Variants in PPWD1 observed in about 807,000 individuals in gnomAD.
The protein encoded by PPWD1 is peptidylprolyl isomerase domain and WD repeat-containing protein 1.
PPWD1 carries 43 observed loss-of-function variants against 68.8 expected under a neutral mutation model. The ratio of observed to expected loss-of-function variants is 0.62; its 90% confidence interval spans 0.49 to 0.81. The LOEUF (loss-of-function observed/expected upper bound fraction) is 0.81, where lower values mean the gene tolerates loss of function less well. PPWD1 is among the 30% of genes least tolerant of loss of function. The pLI is 0.00. For missense variants in PPWD1, 672 were observed against 804.8 expected, an observed-to-expected ratio of 0.83 and a Z score of 2.00; for synonymous variants, 232 against 258.7, an observed-to-expected ratio of 0.90 and a Z score of 0.99.
At position 65,580,149 on chromosome 5, in the gene PPWD1, G is replaced by A. The variant is rs1015983280; in HGVS notation, c.1350+536G>A. ...CTGAGATAGTTAAAATCAAACTACC[G>A]TGCCATGAAGGAGTAGCACAATTTT... On this transcript the variant is annotated intron_variant, in intron 7 of 10. Coordinates refer to ENST00000261308, the MANE Select transcript of PPWD1 (RefSeq NM_015342.4). 3.9e-5 allele frequency among the ~76,000 whole-genome samples: 6 copies of A among 151,954 alleles called. 1 individual carries two copies. The highest frequency in any genetic ancestry group is 3.4e-3 in the Middle Eastern group (1 of 294).
At chr5:65,578,681 C>G (rs1226808942) in intron 6 of PPWD1, among the ~76,000 whole-genome samples, 2 of 147,798 alleles carry the variant, frequency 1.4e-5, no homozygotes, top group African/African-American at 5.0e-5. Context: ...GGGTTGTGTT[C>G]TTATTGTTGT....
chr5:65,563,839 G>C, intron 1 of PPWD1: 3 of 1,495,026 alleles, frequency 2.0e-6, no homozygotes, highest in Non-Finnish European at 1.8e-6. Flanking sequence ...CTCTTATTTA[G>C]GTATGCAAAA....
chr5:65,567,273 T>C lies in PPWD1; in HGVS notation c.197-240T>C, dbSNP rs1752819978. On this transcript the variant is annotated intron_variant, in intron 1 of 10. Coordinates refer to ENST00000261308, the MANE Select transcript of PPWD1 (RefSeq NM_015342.4). ...TCTTAAGTCCTGGGGACAGTTAGCA[T>C]GTATATAGTACCTGGGAACCTGTTG... 3.3e-5 allele frequency among the ~76,000 whole-genome samples: 5 copies of C among 152,204 alleles called. No individual in the cohort carries two copies. In the South Asian group the frequency reaches 1.0e-3, roughly 32 times the overall value.
Position 65,583,180 on chromosome 5 carries a change from C to A in PPWD1, c.1493C>A (p.Thr498Asn), listed in dbSNP as rs1245868488. The A allele has an allele frequency of 6.2e-7, 1 of 1,607,524 alleles. No homozygotes were observed. The highest frequency in any genetic ancestry group is 8.5e-7 in the Non-Finnish European group (1 of 1,177,646). ...KRVSDSAIIH[T>N]SMGDIHTKLF... Reference sequence around the variant, plus strand: ...GTTTCGGACAGTGCCATTATCCACACCAGCATGGGAGACATTCACACCAAA... The same window carrying A: ...GTTTCGGACAGTGCCATTATCCACAACAGCATGGGAGACATTCACACCAAA... The change falls in exon 8 of 11, where the codon ACC becomes AAC. Residue 498 changes from threonine to asparagine, a missense_variant. Transcript: ENST00000261308.
intron 7 of PPWD1, 101 bp from the exon 8 acceptor site, chr5:65,582,937 T>C: frequency 7.3e-7 from 1 of 1,369,468 alleles, no homozygotes; most frequent in Non-Finnish European, 9.6e-7. Context: ...ATGTGAATTC[T>C]TACATTTCTT....
At position 65,567,534 on chromosome 5, in the gene PPWD1, A is replaced by T. The variant is rs546684178; in HGVS notation, c.218A>T (p.Tyr73Phe). ...KRKVLEFERV[Y>F]LDNLPSASMY... The stretch of plus-strand genomic sequence containing the variant: ...TCAGTCTTAGAGTTTGAAAGAGTCT[A>T]TCTTGATAATCTCCCCAGTGCATCC... The change falls in exon 2 of 11, where the codon TAT (tyrosine) becomes TTT (phenylalanine). Residue 73 changes from tyrosine (Y) to phenylalanine (F), a missense_variant. Around this residue, in one of 2 missense-constraint regions of PPWD1, gnomAD observed 188 missense variants for 158.6 expected, o/e 1.19. Coordinates refer to ENST00000261308, the MANE Select transcript of PPWD1 (RefSeq NM_015342.4). 1.9e-6 allele frequency: 3 copies of T among 1,611,786 alleles called. No individual in the cohort carries two copies. The highest frequency in any genetic ancestry group is 2.5e-6 in the Non-Finnish European group (3 of 1,178,582).
intron 7 of PPWD1, among the ~76,000 whole-genome samples, chr5:65,581,935 CATA>C (rs1190648068): frequency 2.0e-5 from 3 of 152,098 alleles, no homozygotes; most frequent in Non-Finnish European, 2.9e-5. Flanking sequence ...TGAGCTAAAT[CATA>C]ATTTTTCAGA....
At chr5:65,564,046 A>C in intron 1 of PPWD1, 3 of 518,302 alleles carry the variant, frequency 5.8e-6, no homozygotes, top group Non-Finnish European at 1.0e-5. Flanking sequence ...TTTTCATCCA[A>C]AACCCGAAGT....
intron 1 of PPWD1, 92 bp from the exon 2 acceptor site, chr5:65,567,421 A>T: frequency 7.2e-7 from 1 of 1,383,918 alleles, no homozygotes; most frequent in Non-Finnish European, 9.5e-7. Context: ...AATACCAAGT[A>T]GAGTGTAGAC....
At chr5:65,564,868 A>G (rs1197896529) in intron 1 of PPWD1, among the ~76,000 whole-genome samples, 2 of 152,198 alleles carry the variant, frequency 1.3e-5, no homozygotes, top group African/African-American at 4.8e-5. Context: ...ACTTTTGGTC[A>G]ACCTTTAGCA....
intron 10 of PPWD1, 131 bp downstream of exon 10, chr5:65,586,312 A>T: frequency 1.1e-6 from 1 of 915,554 alleles, no homozygotes; most frequent in Non-Finnish European, 1.5e-6. Context: ...TACAAATATG[A>T]AAATGATCAA....
intron 7 of PPWD1, 200 bp from the exon 8 acceptor site, chr5:65,582,838 G>A (rs1753655621): frequency 1.6e-6 from 1 of 612,652 alleles, no homozygotes; most frequent in South Asian, 3.8e-5. Flanking sequence ...AGTATGTTAT[G>A]TGGATCCTTT....
chr5:65,574,532 C>T (rs569887601), intron 5 of PPWD1, among the ~76,000 whole-genome samples: 15 of 143,638 alleles, frequency 1.0e-4, no homozygotes, highest in African/African-American at 2.3e-4. Flanking sequence ...GGCTCAATCG[C>T]GGCTCACTGC....
chr5:65,577,843 C>T (rs535420175), intron 6 of PPWD1, among the ~76,000 whole-genome samples: 1 of 152,302 alleles, frequency 6.6e-6, no homozygotes, highest in African/African-American at 2.4e-5. Flanking sequence ...ACGTCCCCCA[C>T]CAGAGTGGTC....
chr5:65,585,954 A>G lies in PPWD1; in HGVS notation c.1615-45A>G, dbSNP rs774449898. On this transcript the variant is annotated intron_variant, in intron 9 of 10. Transcript: ENST00000261308. ...AGAAATAAAACTTCAAAGCGTACATATATCGAAAAGGACAATGTAATGTTT... is the reference window on the plus strand; with the variant it reads ...AGAAATAAAACTTCAAAGCGTACATGTATCGAAAAGGACAATGTAATGTTT... The G allele has an allele frequency of 3.8e-6, 6 of 1,593,622 alleles. No individual in the cohort carries two copies. In the African/African-American group the frequency reaches 4.0e-5, roughly 11 times the overall value.
chr5:65,571,805 T>C (rs1303312859), intron 4 of PPWD1, 34 bp from the exon 5 acceptor site: 2 of 1,574,884 alleles, frequency 1.3e-6, no homozygotes, highest in Admixed American at 3.6e-5. Context: ...TGTGCTGACC[T>C]TTTTTTTTCC....
chr5:65,569,518 T>A (rs547001816), intron 2 of PPWD1, 114 bp from the exon 3 acceptor site: 202 of 1,187,728 alleles, frequency 1.7e-4, no homozygotes, highest in South Asian at 1.4e-3. Flanking sequence ...GGGTTTTTTT[T>A]AAAAAAAAAC....
chr5:65,586,896 A>G (rs1753874638), intron 10 of PPWD1, among the ~76,000 whole-genome samples: 1 of 152,138 alleles, frequency 6.6e-6, no homozygotes, highest in Non-Finnish European at 1.5e-5. Context: ...AACTATTTCA[A>G]ACTGCCTCTG....
chr5:65,567,415 C>A lies in PPWD1; in HGVS notation c.197-98C>A, dbSNP rs906348005. The A allele has an allele frequency of 7.3e-6, 10 of 1,366,394 alleles. No homozygotes were observed. In the African/African-American group the frequency reaches 1.0e-4, roughly 14 times the overall value. 84.6% of individuals were successfully genotyped at this position (1,366,394 alleles called of 1,614,324 possible). On this transcript the variant is annotated intron_variant, in intron 1 of 10. Coordinates refer to ENST00000261308, the MANE Select transcript of PPWD1 (RefSeq NM_015342.4). ...AAAAACTAAAATCCAGGAGAAAATA[C>A]CAAGTAGAGTGTAGACAATTTTAAA...
Sources: allele counts gnomAD v4.1 joint callset (sites outside exome capture counted in the v4.1 genomes callset), GRCh38; gene constraint gnomAD v4.1.1; regional missense constraint gnomAD v4.1.1; transcripts MANE v1.5; gene names NCBI Gene and HGNC (gene_info 2026-07-23, HGNC 2026-07-21).